The following ZAR1 variants were observed in gnomAD, a reference collection of about 807,000 sequenced individuals.
ZAR1 encodes the protein zygote arrest 1, also known as zygote arrest protein 1.
ZAR1 carries 37 observed loss-of-function variants against 38.3 expected under a neutral mutation model. The ratio of observed to expected loss-of-function variants is 0.97; its 90% CI spans 0.74 to 1.27. The LOEUF is 1.27. Ranked by LOEUF, ZAR1 falls within the 50% of genes most tolerant of loss-of-function variation. The pLI, the probability that ZAR1 is intolerant of heterozygous loss-of-function variation, is 0.00. For synonymous variants in ZAR1, 336 were observed against 292.0 expected (o/e 1.15, Z -1.53); for missense variants, 651 against 632.4 (o/e 1.03, Z -0.32).
chr4:48,492,846 G>A lies in ZAR1; in HGVS notation c.1044G>A (p.Gln348=). The A allele has an allele frequency of 6.2e-7, 1 of 1,614,202 alleles. No individual in the cohort carries two copies. The highest frequency in any genetic ancestry group is 8.5e-7 in the Non-Finnish European group (1 of 1,180,032). Residue 348 remains glutamine (Q), a synonymous_variant, in exon 2 of 4, where the codon CAG becomes CAA. Coordinates refer to ENST00000327939, the MANE Select transcript of ZAR1 (RefSeq NM_175619.3). ...RWESAYVWCV[Q]GTNKVYFKQF... is the part of the protein sequence containing the mutation. Reference sequence around the variant, plus strand: ...AGAGTGCTTATGTGTGGTGTGTACAGGGAACTAACAAGGTAAGAAATACCA... The same window carrying A: ...AGAGTGCTTATGTGTGGTGTGTACAAGGAACTAACAAGGTAAGAAATACCA...
rs1201055213 is a variant in ZAR1, at chr4:48,490,431, G to T, written c.140G>T (p.Cys47Phe). 1 of 1,475,958 alleles carries T rather than the reference G, an allele frequency of 6.8e-7. No homozygotes were observed. The allele number at this position is 1,475,958 out of a possible 1,614,324, so 91.4% of individuals were successfully genotyped here. Residue 47 changes from cysteine (C) to phenylalanine (F), a missense_variant, in exon 1 of 4, where the codon TGC becomes TTC. This residue lies in a region of ZAR1 where 522 missense variants were observed against 459.9 expected (regional missense o/e 1.14). Transcript: ENST00000327939. ...GGSWQQRGRG[C>F]LPASSPCSAG... is the part of the protein sequence containing the mutation. ...AGCTGGCAGCAGCGCGGCAGGGGCT[G>T]CCTTCCCGCCTCCTCCCCCTGCTCG...
At chr4:48,496,122 G>C (rs569735941), downstream of ZAR1, among the ~76,000 whole-genome samples, 1 of 152,288 alleles carries the variant, frequency 6.6e-6, no homozygotes, top group South Asian at 2.1e-4. Flanking sequence ...GTATGGTGGG[G>C]ATAGTGGGGC....
intron 1 of ZAR1, among the ~76,000 whole-genome samples, chr4:48,492,516 G>A (rs755423320): frequency 4.6e-5 from 7 of 152,102 alleles, no homozygotes; most frequent in East Asian, 1.9e-4. Context: ...CTACTTATTC[G>A]TTTATTAGCC....
At position 48,491,184 on chromosome 4, in the gene ZAR1, AGGC is replaced by A; in HGVS notation, c.897_899del (p.Ala300del). On this transcript the variant is annotated inframe_deletion, in exon 1 of 4. Transcript: ENST00000327939. ...GCCCGAGACGGCGGCGACGGACGGG[AGGC>A]GGCCGTCGCGGGAGAGGGGCCGTCG... 1 of 1,234,388 alleles carries A rather than the reference AGGC, an allele frequency of 8.1e-7. No individual in the cohort carries two copies. Among genetic ancestry groups the A allele is most frequent in the Non-Finnish European group, 1.0e-6 (1 of 989,696 alleles). 76.5% of individuals were successfully genotyped at this position (1,234,388 alleles called of 1,614,324 possible).
At position 48,494,308 on chromosome 4, in the gene ZAR1, C is replaced by T. The variant is rs144495529; in HGVS notation, c.*64C>T. On this transcript the variant is annotated 3_prime_UTR_variant, in exon 4 of 4. Transcript: ENST00000327939. ...GACGAGTGAGCTTTTCCGTGCCTCT[C>T]CTCCACCTCTCCCTTCTCAAAATAC... The T allele has an allele frequency of 6.3e-7, 1 of 1,582,700 alleles. No individual in the cohort carries two copies. The highest frequency in any genetic ancestry group is 8.6e-7 in the Non-Finnish European group (1 of 1,157,954).
At chr4:48,497,415 A>ATGT (rs1718688563), downstream of ZAR1, 1 of 152,568 alleles carries the variant, frequency 6.6e-6, no homozygotes, top group African/African-American at 2.4e-5. Flanking sequence ...ACATATAAAT[A>ATGT]AACACAAAAA....
downstream of ZAR1, among the ~76,000 whole-genome samples, chr4:48,496,094 C>T (rs1272116436): frequency 6.6e-6 from 1 of 152,074 alleles, no homozygotes; most frequent in Non-Finnish European, 1.5e-5. Context: ...TGCCAGGCTG[C>T]ACTAAAAGGT....
chr4:48,494,558 C>T (rs892011220), downstream of ZAR1, among the ~76,000 whole-genome samples: 1 of 152,032 alleles, frequency 6.6e-6, no homozygotes, highest in Non-Finnish European at 1.5e-5. Context: ...TAGGGGGGTG[C>T]TTGTAGACGA....
chr4:48,492,984 C>T lies in ZAR1; in HGVS notation c.1103C>T (p.Pro368Leu). 1 of 1,614,184 alleles carries T rather than the reference C, an allele frequency of 6.2e-7. No homozygotes were observed. The highest frequency in any genetic ancestry group is 1.1e-5 in the South Asian group (1 of 91,084). ...FCRTCQKSYN[P>L]YRVEDITCQS... Reference sequence around the variant, plus strand: ...AGAACTTGTCAGAAGTCTTATAACCCTTACCGAGTGGAGGATATCACCTGT... The same window carrying T: ...AGAACTTGTCAGAAGTCTTATAACCTTTACCGAGTGGAGGATATCACCTGT... The change falls in exon 3 of 4, where the codon CCT (proline) becomes CTT (leucine). Residue 368 changes from proline to leucine, a missense_variant. Pro to Leu is a moderately conservative substitution (Grantham distance 98). This residue lies in a region of ZAR1 where 129 missense variants were observed against 172.5 expected (regional missense o/e 0.75). Transcript: ENST00000327939.
downstream of ZAR1, among the ~76,000 whole-genome samples, chr4:48,497,062 A>G (rs1718652901): frequency 6.6e-6 from 1 of 152,236 alleles, no homozygotes; most frequent in South Asian, 2.1e-4. Flanking sequence ...ATATTTTAAA[A>G]TAAGAAATCC....
rs895468380 is a variant in ZAR1 at position 48,491,328 on chromosome 4, T to C, written c.963+74T>C. On this transcript the variant is annotated intron_variant, in intron 1 of 3. Coordinates refer to ENST00000327939, the MANE Select transcript of ZAR1 (RefSeq NM_175619.3). ...TCTTCCTTGGGCCTGGCCCTGTGAC[T>C]GCTTCGGGCACTCGGAGGTGCGGCG... 15 of 1,129,900 alleles carry C rather than the reference T, an allele frequency of 1.3e-5. No homozygotes were observed. In the African/African-American group the frequency reaches 2.2e-4, roughly 17 times the overall value. 70.0% of individuals were successfully genotyped at this position (1,129,900 alleles called of 1,614,324 possible). A position where few individuals can be genotyped will look rare whatever the true frequency, so the allele number is the denominator to read the frequency against.
chr4:48,491,197 G>GGGAGAGGGGCCGTCGCC lies in ZAR1; in HGVS notation c.907_923dup (p.Arg309GlufsTer21), dbSNP rs1718431787. 8.1e-7 allele frequency: 1 copy of GGGAGAGGGGCCGTCGCC among 1,234,962 alleles called. No individual in the cohort carries two copies. Among genetic ancestry groups the GGGAGAGGGGCCGTCGCC allele is most frequent in the Admixed American group, 4.2e-5 (1 of 23,678 alleles). The allele number at this position is 1,234,962 out of a possible 1,614,324, so 76.5% of individuals were successfully genotyped here. ...GCGACGGACGGGAGGCGGCCGTCGC[G>GGGAGAGGGGCCGTCGCC]GGAGAGGGGCCGTCGCCACGGAGCC... On this transcript the variant is annotated frameshift_variant, in exon 1 of 4. Transcript: ENST00000327939. LOFTEE classifies it high-confidence loss of function.
In ZAR1 at chr4:48,490,677, G is replaced by T. The variant is rs562142882; in HGVS notation, c.386G>T (p.Arg129Leu). The T allele has an allele frequency of 4.6e-4, 603 of 1,316,248 alleles. No individual in the cohort carries two copies. Among genetic ancestry groups the T allele is most frequent in the Non-Finnish European group, 5.5e-4 (573 of 1,037,690 alleles). The allele number at this position is 1,316,248 out of a possible 1,614,324, so 81.5% of individuals were successfully genotyped here. The change falls in exon 1 of 4, where the codon CGC (arginine) becomes CTC (leucine). Residue 129 changes from arginine to leucine, a missense_variant. Arg to Leu is a moderately radical substitution (Grantham distance 102). Around this residue, in one of 2 missense-constraint regions of ZAR1, gnomAD observed 522 missense variants for 459.9 expected, o/e 1.14. Coordinates refer to ENST00000327939, the MANE Select transcript of ZAR1 (RefSeq NM_175619.3). ...TCGCTGGGGAGGCGCACGCTGCAGC[G>T]CCGGGCCCGCGACCCCGAGTCCCCG... ...QCSLGRRTLQ[R>L]RARDPESPAG...
Position 48,491,074 on chromosome 4 carries a change from G to T in ZAR1, c.783G>T (p.Glu261Asp). ...GGGAGCAGCCGGCCGACGGTCCCGA[G>T]CTGCCGCCGCGAGAGGCCCAGGAGG... is the stretch of plus-strand genomic sequence containing the variant. ...ASWEQPADGP[E>D]LPPREAQEGE... The change falls in exon 1 of 4, where the codon GAG becomes GAT. Residue 261 changes from glutamate (E) to aspartate (D), a missense_variant. Around this residue, in one of 2 missense-constraint regions of ZAR1, gnomAD observed 522 missense variants for 459.9 expected, o/e 1.14. Coordinates refer to ENST00000327939, the MANE Select transcript of ZAR1 (RefSeq NM_175619.3). 7.6e-7 allele frequency: 1 copy of T among 1,309,918 alleles called. No homozygotes were observed. The highest frequency in any genetic ancestry group is 2.9e-4 in the Middle Eastern group (1 of 3,448). The allele number at this position is 1,309,918 out of a possible 1,614,324, so 81.1% of individuals were successfully genotyped here.
chr4:48,496,219 G>C (rs1718600635), downstream of ZAR1, among the ~76,000 whole-genome samples: 1 of 152,216 alleles, frequency 6.6e-6, no homozygotes, highest in African/African-American at 2.4e-5. Context: ...ATAAAGTGGT[G>C]GCAAGGCTAG....
chr4:48,492,446 C>T (rs1237533615), intron 1 of ZAR1, among the ~76,000 whole-genome samples: 2 of 152,158 alleles, frequency 1.3e-5, no homozygotes, highest in African/African-American at 2.4e-5. Context: ...TAAGATCAGG[C>T]TTTATCTTAA....
In ZAR1 at chr4:48,490,825, C is replaced by G. The variant is rs570144212; in HGVS notation, c.534C>G (p.Thr178=). The G allele has an allele frequency of 4.6e-6, 7 of 1,506,968 alleles. No individual in the cohort carries two copies. The highest frequency in any genetic ancestry group is 2.8e-5 in the East Asian group (1 of 35,962). The allele number at this position is 1,506,968 out of a possible 1,614,324, so 93.3% of individuals were successfully genotyped here. ...CGCGGCCCATGCGCTTCCCGCGCAC[C>G]GTCGCCGTGTACTCGCCCCTGGCCT... The part of the protein sequence containing the change: ...GAPRPMRFPR[T]VAVYSPLALR... The change falls in exon 1 of 4, where the codon ACC becomes ACG. Residue 178 remains threonine, a synonymous_variant. Coordinates refer to ENST00000327939, the MANE Select transcript of ZAR1 (RefSeq NM_175619.3).
chr4:48,492,214 T>C (rs932219917), intron 1 of ZAR1, among the ~76,000 whole-genome samples: 1 of 152,176 alleles, frequency 6.6e-6, no homozygotes, highest in African/African-American at 2.4e-5. Flanking sequence ...TCTAAAAACG[T>C]GTGCATAACT....
Position 48,490,276 on chromosome 4 carries a change from C to G in ZAR1, c.-16C>G. On this transcript the variant is annotated 5_prime_UTR_variant, in exon 1 of 4. Coordinates refer to ENST00000327939, the MANE Select transcript of ZAR1 (RefSeq NM_175619.3). ...CGCCTATTTAGGGTGCGGCGGCGGG[C>G]GGGAGCAGTGCGCCCATGGCGGCCC... 1 of 1,492,314 alleles carries G rather than the reference C, an allele frequency of 6.7e-7. No individual in the cohort carries two copies. Among genetic ancestry groups the G allele is most frequent in the Non-Finnish European group, 8.9e-7 (1 of 1,127,788 alleles). 92.4% of individuals were successfully genotyped at this position (1,492,314 alleles called of 1,614,324 possible).
Sources: allele counts gnomAD v4.1 joint callset (sites outside exome capture counted in the v4.1 genomes callset), GRCh38; gene constraint gnomAD v4.1.1; regional missense constraint gnomAD v4.1.1; transcripts MANE v1.5; gene names NCBI Gene and HGNC (gene_info 2026-07-23, HGNC 2026-07-21).